The following KANSL1L variants were observed in gnomAD, a reference collection of about 807,000 sequenced individuals.
KANSL1L encodes KAT8 regulatory NSL complex subunit 1 like.
KANSL1L carries 25 observed loss-of-function variants against 108.6 expected under a neutral mutation model. The ratio of observed to expected loss-of-function variants is 0.23; its 90% CI spans 0.17 to 0.32. The LOEUF (loss-of-function observed/expected upper bound fraction) is 0.32. Ranked by LOEUF, KANSL1L falls within the 10% of genes least tolerant of loss-of-function variation. The pLI, the probability that KANSL1L is intolerant of heterozygous loss-of-function variation, is 1.00. For missense variants in KANSL1L, 1,137 were observed against 1,125.7 expected, an observed-to-expected ratio of 1.01 and a Z score of -0.14; for synonymous variants, 405 against 395.1, an observed-to-expected ratio of 1.03 and a Z score of -0.30.
At chr2:210,029,646 A>T (rs2093987178) in intron 10 of KANSL1L, among the ~76,000 whole-genome samples, 157 bp downstream of exon 10, 1 of 147,132 alleles carries the variant, frequency 6.8e-6, no homozygotes. Context: ...AATAAGTTGT[A>T]TGAATCAAAT....
At chr2:210,153,013 AT>A (rs2095313128) in intron 2 of KANSL1L, 1 of 153,680 alleles carries the variant, frequency 6.5e-6, no homozygotes, top group Admixed American at 6.4e-5. Context: ...ACACACAATA[AT>A]TTAACAAACA....
intron 1 of KANSL1L, among the ~76,000 whole-genome samples, chr2:210,162,100 C>G (rs909932044): frequency 1.4e-5 from 2 of 147,788 alleles, no homozygotes; most frequent in African/African-American, 4.9e-5. Flanking sequence ...CACACACACA[C>G]ATATATTTTT....
intron 2 of KANSL1L, among the ~76,000 whole-genome samples, chr2:210,147,769 A>C (rs901651121): frequency 6.6e-6 from 1 of 152,210 alleles, no homozygotes; most frequent in African/African-American, 2.4e-5. Flanking sequence ...ATTAATAATG[A>C]AATGTTTTCA....
chr2:210,160,985 ATTTTT>A, intron 1 of KANSL1L, among the ~76,000 whole-genome samples: 1 of 133,436 alleles, frequency 7.5e-6, no homozygotes, highest in African/African-American at 2.8e-5. Context: ...CATACGGCCA[ATTTTT>A]TTTTTTTTTT....
chr2:210,049,912 T>C (rs1183849256), intron 6 of KANSL1L, among the ~76,000 whole-genome samples: 1 of 152,232 alleles, frequency 6.6e-6, no homozygotes, highest in Non-Finnish European at 1.5e-5. Context: ...ATGAGTGTTA[T>C]CTCTGGGAAA....
intron 5 of KANSL1L, among the ~76,000 whole-genome samples, chr2:210,083,949 A>G (rs1166564479): frequency 6.6e-6 from 1 of 152,116 alleles, no homozygotes; most frequent in Non-Finnish European, 1.5e-5. Flanking sequence ...CAAATAGATC[A>G]AGATCTGGCA....
At chr2:210,037,246 A>G (rs1049658023) in intron 8 of KANSL1L, among the ~76,000 whole-genome samples, 8 of 152,166 alleles carry the variant, frequency 5.3e-5, no homozygotes, top group Non-Finnish European at 7.4e-5. Context: ...ATACTCTATT[A>G]CTTTTTCAGA....
Position 210,104,305 on chromosome 2 carries a change from G to C in KANSL1L, c.1231-4C>G. 2.5e-6 allele frequency: 4 copies of C among 1,606,986 alleles called. No individual in the cohort carries two copies. Among genetic ancestry groups the C allele is most frequent in the Non-Finnish European group, 2.6e-6 (3 of 1,175,040 alleles). On this transcript the variant is annotated splice_polypyrimidine_tract_variant and splice_region_variant and intron_variant, in intron 3 of 14. Transcript: ENST00000281772. ...ATTCTTCTAGGACCACTATCCCCTA[G>C]ACAAAAAACAATGAGAAAGTTGAAA...
At chr2:210,051,964 T>C (rs2094296848) in intron 6 of KANSL1L, among the ~76,000 whole-genome samples, 2 of 151,778 alleles carry the variant, frequency 1.3e-5, no homozygotes, top group African/African-American at 4.8e-5. Flanking sequence ...ATTTTAATTA[T>C]AGCTATTTTA....
At chr2:210,105,702 T>C (rs568753845) in intron 3 of KANSL1L, among the ~76,000 whole-genome samples, 2 of 152,078 alleles carry the variant, frequency 1.3e-5, no homozygotes, top group Non-Finnish European at 2.9e-5. Flanking sequence ...ATTTTATTAT[T>C]TTGTAGTAAA....
At chr2:210,152,283 AT>A (rs1458756831) in intron 2 of KANSL1L, 13 of 152,242 alleles carry the variant, frequency 8.5e-5, no homozygotes, top group African/African-American at 3.1e-4. Context: ...ATTAAAAATT[AT>A]GCTTTATCTG....
intron 6 of KANSL1L, among the ~76,000 whole-genome samples, chr2:210,050,806 G>C (rs915280850): frequency 6.6e-6 from 1 of 151,942 alleles, no homozygotes; most frequent in Non-Finnish European, 1.5e-5. Flanking sequence ...TGGGGCTGCA[G>C]AGAACTGTGA....
chr2:210,116,837 G>A (rs147185536), intron 3 of KANSL1L, among the ~76,000 whole-genome samples: 4 of 152,238 alleles, frequency 2.6e-5, no homozygotes, highest in East Asian at 3.9e-4. Flanking sequence ...AGACACAGAC[G>A]AACATCTATG....
chr2:210,038,121 A>G (rs1266818515), intron 8 of KANSL1L, among the ~76,000 whole-genome samples: 1 of 152,076 alleles, frequency 6.6e-6, no homozygotes, highest in African/African-American at 2.4e-5. Context: ...ATTTAACCAT[A>G]TCCCTATTAT....
chr2:210,022,928 G>A lies in KANSL1L; in HGVS notation c.*21C>T. On this transcript the variant is annotated 3_prime_UTR_variant, in exon 15 of 15. Coordinates refer to ENST00000281772, the MANE Select transcript of KANSL1L (RefSeq NM_152519.4). The stretch of plus-strand genomic sequence containing the variant: ...CTCCCATCTTTCCTACATTTACATA[G>A]TTTTCTTAACCTGTTCCCTGTCACC... The A allele has an allele frequency of 6.5e-7, 1 of 1,535,062 alleles. No homozygotes were observed.
chr2:210,075,596 G>T lies in KANSL1L; in HGVS notation c.1711C>A (p.Arg571=), dbSNP rs759690678. Residue 571 remains arginine, a synonymous_variant, in exon 6 of 15, where the codon CGA becomes AGA. Transcript: ENST00000281772. ...RTRPLQSFHK[R]KLYRLSPTFY... ...GTAGGGCTCAATCTGTACAGTTTTCGTTTGTGGAAACTCTGAAGTGGCCTT... is the reference window on the plus strand; with the variant it reads ...GTAGGGCTCAATCTGTACAGTTTTCTTTTGTGGAAACTCTGAAGTGGCCTT... The T allele has an allele frequency of 1.2e-6, 2 of 1,614,052 alleles. No homozygotes were observed. The highest frequency in any genetic ancestry group is 1.1e-5 in the South Asian group (1 of 91,082).
At chr2:210,164,248 T>C (rs1042158875) in intron 1 of KANSL1L, among the ~76,000 whole-genome samples, 5 of 152,212 alleles carry the variant, frequency 3.3e-5, no homozygotes. Flanking sequence ...TATCGACTAC[T>C]ATATTTCAGT....
intron 6 of KANSL1L, among the ~76,000 whole-genome samples, chr2:210,047,845 A>G (rs1559513029): frequency 6.6e-6 from 1 of 152,172 alleles, no homozygotes; most frequent in Admixed American, 6.5e-5. Flanking sequence ...CTCTATCCCC[A>G]CTACTAGCTA....
chr2:210,069,306 T>C (rs942491879), intron 6 of KANSL1L, among the ~76,000 whole-genome samples: 4 of 152,198 alleles, frequency 2.6e-5, no homozygotes, highest in Admixed American at 2.6e-4. Flanking sequence ...TCTAGCAAAT[T>C]CTGTTCATGA....
Sources: gnomAD v4.1 joint callset for allele counts (sites outside exome capture counted in the v4.1 genomes callset) on GRCh38, gnomAD v4.1.1 for gene constraint, MANE v1.5 for transcripts, NCBI Gene and HGNC (gene_info 2026-07-23, HGNC 2026-07-21) for gene names.